Variants in POLG2 observed in about 807,000 individuals in gnomAD.
The protein encoded by POLG2 is DNA polymerase gamma 2, accessory subunit.
A neutral mutation model predicts 56.5 loss-of-function variants in POLG2; 50 were observed. That is an observed-to-expected ratio of 0.88 (90% CI 0.71 to 1.12). POLG2 has a LOEUF of 1.12. POLG2 is among the 50% of genes most tolerant of loss of function. The pLI is 0.00. For missense variants in POLG2, 584 were observed against 583.3 expected, an observed-to-expected ratio of 1.00 and a Z score of -0.01; for synonymous variants, 226 against 222.6, an observed-to-expected ratio of 1.02 and a Z score of -0.14.
intron 1 of POLG2, among the ~76,000 whole-genome samples, chr17:64,493,819 T>A (rs1455379828): frequency 6.6e-6 from 1 of 152,114 alleles, no homozygotes; most frequent in Non-Finnish European, 1.5e-5. Context: ...GTTGAAAAAA[T>A]AATAAACATC....
intron 1 of POLG2, 64 bp from the exon 2 acceptor site, chr17:64,493,085 T>A (rs548164642): frequency 2.0e-6 from 3 of 1,524,412 alleles, no homozygotes; most frequent in East Asian, 4.5e-5. Flanking sequence ...TTTTTGTCAA[T>A]AGACACATTA....
intron 1 of POLG2, among the ~76,000 whole-genome samples, chr17:64,493,707 C>G (rs555292972): frequency 5.3e-5 from 8 of 152,034 alleles, no homozygotes; most frequent in Non-Finnish European, 1.2e-4. Flanking sequence ...AGGTTGGTCT[C>G]GATCTCCTGA....
At chr17:64,480,252 GAATA>G (rs2037834726) in intron 7 of POLG2, 33 bp downstream of exon 7, 1 of 892,788 alleles carries the variant, frequency 1.1e-6, no homozygotes, top group South Asian at 1.7e-5. Context: ...AAAAACTCTT[GAATA>G]AATACACTCT....
chr17:64,492,404 C>A (rs2038076403), intron 3 of POLG2, among the ~76,000 whole-genome samples: 1 of 152,112 alleles, frequency 6.6e-6, no homozygotes, highest in Non-Finnish European at 1.5e-5. Context: ...CTACATCAGC[C>A]AGGAATGCTA....
chr17:64,493,508 G>A (rs1362449349), intron 1 of POLG2, among the ~76,000 whole-genome samples: 2 of 151,030 alleles, frequency 1.3e-5, no homozygotes, highest in Non-Finnish European at 3.0e-5. Flanking sequence ...TTTTTGAGAT[G>A]GAGTCTCGCT....
Position 64,497,034 on chromosome 17 carries a change from G to C in POLG2, c.-66C>G, listed in dbSNP as rs886053251. The C allele has an allele frequency of 6.7e-7, 1 of 1,488,306 alleles. No homozygotes were observed. Among genetic ancestry groups the C allele is most frequent in the African/African-American group, 1.4e-5 (1 of 72,894 alleles). 92.2% of individuals were successfully genotyped at this position (1,488,306 alleles called of 1,614,324 possible). ...CGGATCCCAACAAGCCACCACTACC[G>C]TTAACAGAATCCGGAGAGGCCACGG... On this transcript the variant is annotated 5_prime_UTR_variant, in exon 1 of 8. Transcript: ENST00000539111.
chr17:64,489,787 C>T (rs1023771807), intron 4 of POLG2, among the ~76,000 whole-genome samples: 2 of 151,706 alleles, frequency 1.3e-5, no homozygotes, highest in African/African-American at 4.8e-5. Context: ...CACCATTTGG[C>T]AAACCTCACA....
chr17:64,482,993 T>G lies in POLG2; in HGVS notation c.1117A>C (p.Lys373Gln). 6.3e-7 allele frequency: 1 copy of G among 1,586,298 alleles called. No individual in the cohort carries two copies. The highest frequency in any genetic ancestry group is 8.7e-7 in the Non-Finnish European group (1 of 1,155,140). Residue 373 changes from lysine to glutamine, a missense_variant, in exon 6 of 8, where the codon AAA becomes CAA. Lys to Gln is a moderately conservative substitution (Grantham distance 53). Transcript: ENST00000539111. ...RKKNLHRKVLKLHPCLAPIKV... is the reference protein window; with the variant it reads ...RKKNLHRKVLQLHPCLAPIKV... ...ATAGGGGCTAAACAAGGGTGAAGTT[T>G]AAGTACCTAAGGCAATTAAATGGGG...
intron 3 of POLG2, chr17:64,491,590 G>C (rs2038059018): frequency 1.9e-6 from 3 of 1,549,142 alleles, no homozygotes; most frequent in Non-Finnish European, 2.7e-6. Context: ...CTGCCAAGCT[G>C]GATCTTGATG....
intron 4 of POLG2, among the ~76,000 whole-genome samples, chr17:64,489,362 A>T (rs73993944): frequency 0.057 from 6,546 of 115,216 alleles, 471 homozygotes; most frequent in African/African-American, 0.24. Flanking sequence ...GTTTTTTTTT[A>T]AAAAAAAAAA....
intron 5 of POLG2, among the ~76,000 whole-genome samples, chr17:64,485,000 G>A (rs2037926833): frequency 6.6e-6 from 1 of 152,204 alleles, no homozygotes; most frequent in African/African-American, 2.4e-5. Context: ...CTAACTCCCT[G>A]AGAAAATAGA....
intron 4 of POLG2, among the ~76,000 whole-genome samples, chr17:64,489,965 G>A (rs889627595): frequency 2.0e-5 from 3 of 150,116 alleles, no homozygotes; most frequent in South Asian, 2.1e-4. Context: ...TCGTTCTGTC[G>A]CCAGGCTGCA....
chr17:64,496,964 C>G lies in POLG2; in HGVS notation c.5G>C (p.Arg2Pro). Residue 2 changes from arginine to proline, a missense_variant, in exon 1 of 8, where the codon CGC (arginine) becomes CCC (proline). Physicochemically the swap from Arg to Pro is moderately radical, Grantham distance 103. Transcript: ENST00000539111. The stretch of plus-strand genomic sequence containing the variant: ...GCAGGCCCTGACGGCTACACGAGAG[C>G]GCATCTCTCTCCGAAGTTAAAGAGC... Reference protein sequence around the residue: MRSRVAVRACHK... With the variant: MPSRVAVRACHK... 8.1e-6 allele frequency: 13 copies of G among 1,604,998 alleles called. No homozygotes were observed. The highest frequency in any genetic ancestry group is 1.1e-5 in the Non-Finnish European group (13 of 1,179,790).
intron 5 of POLG2, among the ~76,000 whole-genome samples, chr17:64,484,851 A>G (rs1171157673): frequency 2.0e-5 from 3 of 152,142 alleles, no homozygotes; most frequent in African/African-American, 7.2e-5. Context: ...ATGGTTCCCA[A>G]TCCCAGCTGA....
chr17:64,491,643 G>A, intron 3 of POLG2: 1 of 1,438,800 alleles, frequency 7.0e-7, no homozygotes, highest in Non-Finnish European at 9.7e-7. Context: ...GTTTCAAAGA[G>A]GTTACTACTG....
At chr17:64,493,515 C>T (rs1179158106) in intron 1 of POLG2, among the ~76,000 whole-genome samples, 2 of 151,864 alleles carry the variant, frequency 1.3e-5, no homozygotes, top group African/African-American at 2.4e-5. Context: ...GATGGAGTCT[C>T]GCTCTGTCGC....
Position 64,483,000 on chromosome 17 carries a change from C to G in POLG2, c.1111-1G>C. The G allele has an allele frequency of 7.0e-6, 11 of 1,566,422 alleles. No individual in the cohort carries two copies. The highest frequency in any genetic ancestry group is 9.7e-6 in the Non-Finnish European group (11 of 1,139,288). Reference sequence around the variant, plus strand: ...CTAAACAAGGGTGAAGTTTAAGTACCTAAGGCAATTAAATGGGGGAGGGAG... The same window carrying G: ...CTAAACAAGGGTGAAGTTTAAGTACGTAAGGCAATTAAATGGGGGAGGGAG... On this transcript the variant is annotated splice_acceptor_variant, in intron 5 of 7. Coordinates refer to ENST00000539111, the MANE Select transcript of POLG2 (RefSeq NM_007215.4). LOFTEE classifies it high-confidence loss of function.
intron 6 of POLG2, among the ~76,000 whole-genome samples, chr17:64,481,680 C>G (rs1268033540): frequency 6.6e-6 from 1 of 152,024 alleles, no homozygotes; most frequent in Non-Finnish European, 1.5e-5. Flanking sequence ...GGAGACCAGC[C>G]TGGCCAACAT....
intron 1 of POLG2, among the ~76,000 whole-genome samples, chr17:64,494,442 G>T (rs2038116075): frequency 6.6e-6 from 1 of 152,064 alleles, no homozygotes; most frequent in Non-Finnish European, 1.5e-5. Context: ...CAGTATTTTA[G>T]AATCCATTGA....
Sources: gnomAD v4.1 joint callset for allele counts (sites outside exome capture counted in the v4.1 genomes callset) on GRCh38, gnomAD v4.1.1 for gene constraint, MANE v1.5 for transcripts, NCBI Gene and HGNC (gene_info 2026-07-23, HGNC 2026-07-21) for gene names.